FMNL2: variants seen among roughly 807,000 people sequenced by gnomAD.
FMNL2 encodes formin like 2, also known as formin-like protein 2.
Under a neutral mutation model 130.2 loss-of-function variants are expected in FMNL2, and 51 were observed. That is an observed-to-expected ratio of 0.39 (90% confidence interval 0.31 to 0.49). The LOEUF (loss-of-function observed/expected upper bound fraction) is 0.49, where lower values mean the gene tolerates loss of function less well. Among genes scored for constraint, FMNL2 ranks in the 20% least tolerant of loss-of-function variants. The pLI, the probability that FMNL2 is intolerant of heterozygous loss-of-function variation, is 0.85. For synonymous variants in FMNL2, 465 were observed against 467.1 expected (o/e 1.00, Z 0.06); for missense variants, 977 against 1,316.2 (o/e 0.74, Z 3.99).
chr2:152,383,600 G>T (rs1469262137), intron 1 of FMNL2, among the ~76,000 whole-genome samples: 1 of 151,952 alleles, frequency 6.6e-6, no homozygotes, highest in Non-Finnish European at 1.5e-5. Context: ...TTTCATAAAA[G>T]GTAGCTGCTA....
intron 1 of FMNL2, among the ~76,000 whole-genome samples, chr2:152,380,408 C>T (rs2105894174): frequency 6.6e-6 from 1 of 152,364 alleles, no homozygotes; most frequent in Middle Eastern, 3.4e-3. Context: ...ATTAAGACAG[C>T]AGTGTTGTAT....
intron 11 of FMNL2, 87 bp from the exon 12 acceptor site, chr2:152,614,757 CAAAACAA>C (rs1216328794): frequency 7.2e-7 from 1 of 1,393,530 alleles, no homozygotes; most frequent in Non-Finnish European, 9.6e-7. Flanking sequence ...CAAAACAAAA[CAAAACAA>C]AAAACAAAAA....
At chr2:152,337,916 C>A (rs1372347854) in intron 1 of FMNL2, among the ~76,000 whole-genome samples, 1 of 152,146 alleles carries the variant, frequency 6.6e-6, no homozygotes, top group Non-Finnish European at 1.5e-5. Context: ...CGTTCCTTGT[C>A]CCAGGTCAGC....
In FMNL2 at chr2:152,549,034, G is replaced by A. The variant is rs371265158; in HGVS notation, c.296G>A (p.Arg99His). The part of the protein sequence containing the change: ...PAVTRKKFRR[R>H]VQESTQVLRE... ...CTTGAATTATAGAAATTCAGACGGCGTGTTCAAGAATCTACACAAGTGCTA... is the reference window on the plus strand; with the variant it reads ...CTTGAATTATAGAAATTCAGACGGCATGTTCAAGAATCTACACAAGTGCTA... Residue 99 changes from arginine (R) to histidine (H), a missense_variant, in exon 4 of 26, where the codon CGT becomes CAT. By Grantham distance (29) the Arg-to-His change is conservative (BLOSUM62 0). Transcript: ENST00000288670. The A allele has an allele frequency of 1.8e-5, 29 of 1,607,310 alleles. No homozygotes were observed. Among genetic ancestry groups the A allele is most frequent in the Admixed American group, 3.4e-5 (2 of 58,850 alleles).
chr2:152,530,368 A>G (rs1701135642), intron 2 of FMNL2, among the ~76,000 whole-genome samples: 1 of 152,192 alleles, frequency 6.6e-6, no homozygotes, highest in Non-Finnish European at 1.5e-5. Flanking sequence ...ACACAAACAC[A>G]CACACACACA....
intron 1 of FMNL2, among the ~76,000 whole-genome samples, chr2:152,348,117 C>T (rs1336945321): frequency 6.6e-6 from 1 of 152,114 alleles, no homozygotes; most frequent in African/African-American, 2.4e-5. Flanking sequence ...TCCTTACAGA[C>T]CCACGTCAGC....
chr2:152,552,199 G>T (rs188475456), intron 4 of FMNL2, among the ~76,000 whole-genome samples: 3 of 152,074 alleles, frequency 2.0e-5, no homozygotes, highest in Middle Eastern at 3.2e-3. Context: ...CTAATAAAGG[G>T]TCTGAAACAT....
chr2:152,584,036 T>C (rs1696931636), intron 9 of FMNL2, among the ~76,000 whole-genome samples: 1 of 152,188 alleles, frequency 6.6e-6, no homozygotes, highest in African/African-American at 2.4e-5. Flanking sequence ...TGTTATTCTG[T>C]GTTGATCTTG....
At chr2:152,570,248 T>C (rs1696102717) in intron 6 of FMNL2, among the ~76,000 whole-genome samples, 1 of 152,222 alleles carries the variant, frequency 6.6e-6, no homozygotes, top group Admixed American at 6.5e-5. Context: ...CACAGAGCTT[T>C]GTGAATTCTA....
intron 1 of FMNL2, among the ~76,000 whole-genome samples, chr2:152,338,694 T>G (rs1262763534): frequency 1.3e-5 from 2 of 152,162 alleles, no homozygotes; most frequent in African/African-American, 4.8e-5. Context: ...AGGATAGGTA[T>G]CTTCAGTATC....
intron 2 of FMNL2, among the ~76,000 whole-genome samples, chr2:152,533,615 T>G (rs1298457270): frequency 6.6e-6 from 1 of 151,682 alleles, no homozygotes; most frequent in Non-Finnish European, 1.5e-5. Context: ...TAATATAAAT[T>G]TTAGAATCAG....
At chr2:152,349,581 A>G (rs1430654262) in intron 1 of FMNL2, among the ~76,000 whole-genome samples, 1 of 152,240 alleles carries the variant, frequency 6.6e-6, no homozygotes, top group African/African-American at 2.4e-5. Flanking sequence ...TTCATACAAT[A>G]GCTGCTTTGA....
intron 2 of FMNL2, among the ~76,000 whole-genome samples, chr2:152,540,557 A>G (rs865806402): frequency 6.6e-6 from 1 of 152,064 alleles, no homozygotes; most frequent in Non-Finnish European, 1.5e-5. Context: ...CCTACTACAA[A>G]CCATTCCCCC....
In FMNL2 at chr2:152,632,254, T is replaced by A. The variant is rs984454467; in HGVS notation, c.2680+117T>A. On this transcript the variant is annotated intron_variant, in intron 21 of 25. Coordinates refer to ENST00000288670, the MANE Select transcript of FMNL2 (RefSeq NM_052905.4). ...CATTTAAAAAGCCAAGGCTAAGAAG[T>A]CAGACACACTGAGCTGGAACACATC... 4.4e-6 allele frequency: 6 copies of A among 1,350,322 alleles called. No homozygotes were observed. In the Admixed American group the frequency reaches 1.1e-4, roughly 25 times the overall value. The allele number at this position is 1,350,322 out of a possible 1,614,324, so 83.6% of individuals were successfully genotyped here.
chr2:152,529,371 G>A (rs1354183446), intron 2 of FMNL2, among the ~76,000 whole-genome samples: 1 of 152,092 alleles, frequency 6.6e-6, no homozygotes, highest in Admixed American at 6.5e-5. Flanking sequence ...CCACACCTCA[G>A]AAGAAAAAGA....
chr2:152,494,578 C>A (rs959561781), intron 1 of FMNL2, among the ~76,000 whole-genome samples: 1 of 152,130 alleles, frequency 6.6e-6, no homozygotes, highest in African/African-American at 2.4e-5. Flanking sequence ...TCTCTCCTTC[C>A]AGAGAGAAAG....
rs140334015 is a variant in FMNL2, at chr2:152,489,989, A to G, written c.118-31954A>G. Among the ~76,000 whole-genome samples, 86 of 152,352 alleles carry G rather than the reference A, an allele frequency of 5.6e-4. 1 individual carries two copies. In the East Asian group the frequency reaches 8.7e-3, roughly 15 times the overall value. On this transcript the variant is annotated intron_variant, in intron 1 of 25. Transcript: ENST00000288670. ...ATTTTAGTGATAAACCACAAAGAAT[A>G]AAATGAGTTTTTAATTAGCATCATG...
chr2:152,589,181 T>A (rs1697247411), intron 9 of FMNL2, among the ~76,000 whole-genome samples: 1 of 152,092 alleles, frequency 6.6e-6, no homozygotes. Flanking sequence ...TTATCTGTTG[T>A]ACAAATGTAG....
chr2:152,478,470 T>C (rs983278761), intron 1 of FMNL2, among the ~76,000 whole-genome samples: 2 of 151,996 alleles, frequency 1.3e-5, no homozygotes, highest in African/African-American at 4.8e-5. Flanking sequence ...ACTCCTGACC[T>C]CGTGATCTGC....
Sources: allele counts gnomAD v4.1 joint callset (sites outside exome capture counted in the v4.1 genomes callset), GRCh38; gene constraint gnomAD v4.1.1; transcripts MANE v1.5; gene names NCBI Gene and HGNC (gene_info 2026-07-23, HGNC 2026-07-21).